Variants in SLC10A7 observed in about 807,000 individuals in gnomAD.
SLC10A7 encodes the protein sodium/bile acid cotransporter 7.
A neutral mutation model predicts 43.2 loss-of-function variants in SLC10A7; 29 were observed. The observed-to-expected ratio is 0.67, with a 90% CI of 0.50 to 0.92. SLC10A7 has a LOEUF of 0.92. Among genes scored for constraint, SLC10A7 ranks in the 40% least tolerant of loss-of-function variants. The probability of loss-of-function intolerance (pLI) is 0.00; values close to 1 mark genes in which losing one functional copy is unlikely to be tolerated. For synonymous variants in SLC10A7, 152 were observed against 144.8 expected (o/e 1.05, Z -0.35); for missense variants, 295 against 403.2 (o/e 0.73, Z 2.30).
intron 5 of SLC10A7, among the ~76,000 whole-genome samples, chr4:146,335,384 AT>A (rs1330933946): frequency 6.6e-6 from 1 of 151,676 alleles, no homozygotes; most frequent in East Asian, 1.9e-4. Flanking sequence ...CAAGCAGGTG[AT>A]GCAGATGGGC....
At chr4:146,355,316 A>G (rs1735494692) in intron 5 of SLC10A7, among the ~76,000 whole-genome samples, 1 of 152,236 alleles carries the variant, frequency 6.6e-6, no homozygotes, top group Non-Finnish European at 1.5e-5. Context: ...CATCAGAGAA[A>G]TGCAAATCAA....
intron 4 of SLC10A7, among the ~76,000 whole-genome samples, chr4:146,445,304 G>T (rs942617815): frequency 6.6e-6 from 1 of 152,172 alleles, no homozygotes; most frequent in Non-Finnish European, 1.5e-5. Context: ...CGAAGGGGTT[G>T]GCTCATTTAC....
chr4:146,329,919 A>G (rs535747628), intron 5 of SLC10A7, among the ~76,000 whole-genome samples: 4 of 152,316 alleles, frequency 2.6e-5, no homozygotes, highest in African/African-American at 4.8e-5. Flanking sequence ...CTGAAAATGG[A>G]TAAAACCAAA....
chr4:146,517,851 A>G (rs1172949702), intron 1 of SLC10A7, among the ~76,000 whole-genome samples: 1 of 152,220 alleles, frequency 6.6e-6, no homozygotes, highest in Non-Finnish European at 1.5e-5. Flanking sequence ...TATCAGAAAC[A>G]AAAGCTTATA....
intron 1 of SLC10A7, 128 bp from the exon 2 acceptor site, chr4:146,517,248 AG>A (rs1738100510): frequency 5.1e-6 from 3 of 589,456 alleles, no homozygotes; most frequent in African/African-American, 1.9e-5. Flanking sequence ...AGAGCACTTG[AG>A]GCCAGGAGTT....
At chr4:146,516,993 T>C (rs756785176) in intron 2 of SLC10A7, 45 bp downstream of exon 2, 3 of 1,438,716 alleles carry the variant, frequency 2.1e-6, no homozygotes, top group Non-Finnish European at 2.9e-6. Flanking sequence ...AAGTACAAAT[T>C]AAATTTTTCT....
intron 5 of SLC10A7, among the ~76,000 whole-genome samples, chr4:146,342,341 T>C (rs1393629307): frequency 6.6e-6 from 1 of 151,700 alleles, no homozygotes; most frequent in Non-Finnish European, 1.5e-5. Context: ...CTGTTGTAGA[T>C]AGTGTTAAAA....
intron 1 of SLC10A7, among the ~76,000 whole-genome samples, chr4:146,520,207 G>T (rs35578055): frequency 0.26 from 39,199 of 152,140 alleles, 5,354 homozygotes; most frequent in East Asian, 0.49. Context: ...GATAGCTAGT[G>T]AAGTGTGCAT....
At chr4:146,411,119 G>A (rs1199286206) in intron 5 of SLC10A7, among the ~76,000 whole-genome samples, 1 of 152,126 alleles carries the variant, frequency 6.6e-6, no homozygotes, top group African/African-American at 2.4e-5. Flanking sequence ...ACAGGTGTAA[G>A]CCACCTTGCC....
intron 5 of SLC10A7, among the ~76,000 whole-genome samples, chr4:146,415,211 G>C (rs909702398): frequency 3.3e-5 from 5 of 152,134 alleles, no homozygotes; most frequent in African/African-American, 7.2e-5. Flanking sequence ...ACTAACCTCT[G>C]GTTTAAAGTG....
intron 5 of SLC10A7, among the ~76,000 whole-genome samples, chr4:146,341,007 T>C (rs950847748): frequency 1.4e-4 from 22 of 151,840 alleles, no homozygotes; most frequent in Admixed American, 6.6e-5. Flanking sequence ...AAAAAATCTA[T>C]GCACAGCACA....
At chr4:146,465,568 T>C (rs1732947054) in intron 4 of SLC10A7, among the ~76,000 whole-genome samples, 1 of 152,202 alleles carries the variant, frequency 6.6e-6, no homozygotes, top group Non-Finnish European at 1.5e-5. Context: ...TCTGTGTTTC[T>C]TGCAAAGTTA....
rs1735841633 is a variant in SLC10A7, at chr4:146,495,780, C to T, written c.396+8069G>A. On this transcript the variant is annotated intron_variant, in intron 4 of 11. Coordinates refer to ENST00000335472, the MANE Select transcript of SLC10A7 (RefSeq NM_001029998.6). The stretch of plus-strand genomic sequence containing the variant: ...TGATGAAAGTAAACACACACACACA[C>T]ACACACACACACACACACACACACA... 2.0e-5 allele frequency among the ~76,000 whole-genome samples: 3 copies of T among 150,824 alleles called. 1 individual carries two copies. The highest frequency in any genetic ancestry group is 2.0e-4 in the Admixed American group (3 of 15,122).
intron 5 of SLC10A7, among the ~76,000 whole-genome samples, chr4:146,340,571 C>G (rs1734197738): frequency 6.7e-6 from 1 of 149,798 alleles, no homozygotes; most frequent in African/African-American, 2.5e-5. Context: ...AGTGATTAGA[C>G]TTTTAGACTT....
At chr4:146,283,633 T>G (rs1346277570) in intron 9 of SLC10A7, among the ~76,000 whole-genome samples, 4 of 152,316 alleles carry the variant, frequency 2.6e-5, no homozygotes, top group African/African-American at 9.6e-5. Flanking sequence ...CTAAAAATGC[T>G]CTTTTCAAGG....
chr4:146,302,957 A>G (rs76895332), intron 7 of SLC10A7, among the ~76,000 whole-genome samples: 25 of 152,300 alleles, frequency 1.6e-4, no homozygotes, highest in Non-Finnish European at 2.9e-4. Context: ...TGAGATACTT[A>G]TACCCACAGC....
intron 5 of SLC10A7, chr4:146,442,551 T>C (rs959379670): frequency 1.5e-6 from 2 of 1,359,114 alleles, no homozygotes; most frequent in Non-Finnish European, 1.9e-6. Flanking sequence ...ATTGATTCCT[T>C]GAATTCATTA....
At chr4:146,376,552 A>G (rs143212871) in intron 5 of SLC10A7, among the ~76,000 whole-genome samples, 1 of 152,218 alleles carries the variant, frequency 6.6e-6, no homozygotes, top group East Asian at 1.9e-4. Flanking sequence ...GAGTTCAGAC[A>G]GGGATGGTTG....
intron 9 of SLC10A7, among the ~76,000 whole-genome samples, chr4:146,287,268 G>C (rs1279454455): frequency 1.3e-5 from 2 of 152,150 alleles, no homozygotes; most frequent in East Asian, 3.8e-4. Context: ...ATCTGGCAAA[G>C]GGAAGAAAAA....
Sources: gnomAD v4.1 joint callset for allele counts (sites outside exome capture counted in the v4.1 genomes callset) on GRCh38, gnomAD v4.1.1 for gene constraint, MANE v1.5 for transcripts, NCBI Gene and HGNC (gene_info 2026-07-23, HGNC 2026-07-21) for gene names.